MYO1H: variants seen among roughly 807,000 people sequenced by gnomAD.
MYO1H encodes the protein unconventional myosin-Ih.
In MYO1H, 118 loss-of-function variants were observed where a neutral mutation model predicts 149.3. That is an observed-to-expected ratio of 0.79 (90% CI 0.68 to 0.92). MYO1H has a LOEUF of 0.92. MYO1H is among the 40% of genes least tolerant of loss of function. The pLI is 0.00. For synonymous variants in MYO1H, 447 were observed against 465.2 expected (o/e 0.96, Z 0.50); for missense variants, 1,212 against 1,280.7 (o/e 0.95, Z 0.82).
chr12:109,362,011 C>T (rs1305387786), intron 1 of MYO1H, among the ~76,000 whole-genome samples: 4 of 151,720 alleles, frequency 2.6e-5, no homozygotes. Context: ...GTGAATCACG[C>T]AGCCATGGGA....
intron 10 of MYO1H, among the ~76,000 whole-genome samples, chr12:109,408,351 A>AT (rs397949625): frequency 1.3e-5 from 2 of 151,486 alleles, no homozygotes; most frequent in Admixed American, 6.6e-5. Context: ...TTAAAAAAAA[A>AT]TTTTGTAGAG....
upstream of MYO1H, among the ~76,000 whole-genome samples, chr12:109,344,862 A>G (rs1468075450): frequency 6.6e-6 from 1 of 152,218 alleles, no homozygotes. Flanking sequence ...GGGAGCCAAG[A>G]TGACTCAATG....
chr12:109,318,986 T>TTTTTTTTTTTTTTTTTTTTTTTTTTC, the MYO1H span, among the ~76,000 whole-genome samples: 1 of 146,642 alleles, frequency 6.8e-6, no homozygotes, highest in Non-Finnish European at 1.5e-5. Context: ...TTTTTTTTTT[T>TTTTTTTTTTTTTTTTTTTTTTTTTTC]TTTTTTTTGC....
chr12:109,443,443 C>G (rs1872329987), intron 27 of MYO1H, 71 bp from the exon 28 acceptor site: 2 of 1,554,370 alleles, frequency 1.3e-6, no homozygotes, highest in Non-Finnish European at 8.8e-7. Flanking sequence ...CATCACTTTA[C>G]CGGTGTCTGA....
At chr12:109,327,752 A>AAAAG in the MYO1H span, among the ~76,000 whole-genome samples, 1 of 150,978 alleles carries the variant, frequency 6.6e-6, no homozygotes, top group Non-Finnish European at 1.5e-5. Context: ...AAAAAAAAAA[A>AAAAG]AAAAAGAAAG....
chr12:109,361,710 G>A (rs1435694587), intron 1 of MYO1H, among the ~76,000 whole-genome samples: 5 of 151,072 alleles, frequency 3.3e-5, no homozygotes, highest in Non-Finnish European at 4.4e-5. Flanking sequence ...CTTGGAGGCT[G>A]AGGCAGGAGG....
At chr12:109,427,899 A>ATATATATATATATATATAT (rs1566038875) in intron 19 of MYO1H, among the ~76,000 whole-genome samples, 4 of 51,420 alleles carry the variant, frequency 7.8e-5, no homozygotes, top group African/African-American at 3.0e-4. Context: ...AAAAAAAAAA[A>ATATATATATATATATATAT]AAAAAAAAAA....
the MYO1H span, among the ~76,000 whole-genome samples, chr12:109,319,834 T>C: frequency 3.9e-5 from 6 of 152,268 alleles, no homozygotes; most frequent in South Asian, 1.2e-3. Flanking sequence ...CAGATAATGA[T>C]AAATGTTCCT....
Position 109,444,539 on chromosome 12 carries a change from TTCA to T in MYO1H, c.2993+13_2993+15del, listed in dbSNP as rs1355922194. 7 of 1,601,712 alleles carry T rather than the reference TTCA, an allele frequency of 4.4e-6. No individual in the cohort carries two copies. Among genetic ancestry groups the T allele is most frequent in the Admixed American group, 3.3e-5 (2 of 59,932 alleles). ...ATGTTGTTCAAGGAAGGTAGGTGGC[TTCA>T]TCTTCAGCTCAGGAAGTAATTCAAT... On this transcript the variant is annotated intron_variant, in intron 30 of 31. Coordinates refer to ENST00000310903, the Ensembl canonical transcript of MYO1H.
intron 1 of MYO1H, among the ~76,000 whole-genome samples, chr12:109,384,697 A>G (rs1869268061): frequency 6.6e-6 from 1 of 152,220 alleles, no homozygotes; most frequent in Non-Finnish European, 1.5e-5. Flanking sequence ...AATCATTGTC[A>G]TGTTCCTTAA....
the MYO1H span, among the ~76,000 whole-genome samples, chr12:109,311,145 G>T: frequency 3.3e-5 from 5 of 152,186 alleles, no homozygotes; most frequent in African/African-American, 1.2e-4. Context: ...GGTTTGGAAA[G>T]AAATTGTCTC....
At chr12:109,362,454 C>T (rs541420067) in intron 1 of MYO1H, among the ~76,000 whole-genome samples, 1 of 152,136 alleles carries the variant, frequency 6.6e-6, no homozygotes, top group South Asian at 2.1e-4. Context: ...GACTGAGAAA[C>T]CAATTACAAA....
At chr12:109,351,281 C>G (rs889937558) in intron 1 of MYO1H, among the ~76,000 whole-genome samples, 6 of 152,120 alleles carry the variant, frequency 3.9e-5, no homozygotes, top group African/African-American at 1.2e-4. Context: ...ATATTATTAC[C>G]GTAAAAACTC....
At position 109,374,223 on chromosome 12, in the gene MYO1H, T is replaced by G. The variant is rs527276275; in HGVS notation, c.13-14460T>G. 2.6e-5 allele frequency among the ~76,000 whole-genome samples: 4 copies of G among 152,354 alleles called. No individual in the cohort carries two copies. The South Asian group carries it at 8.3e-4, about 32-fold the overall frequency. On this transcript the variant is annotated intron_variant, in intron 1 of 31. Coordinates refer to ENST00000310903, the Ensembl canonical transcript of MYO1H. Reference sequence around the variant, plus strand: ...TGTTTTTCCATTTCTATAAGTCATCTTTTGTGTCCTTCTGGAGTGTGTTAA... The same window carrying G: ...TGTTTTTCCATTTCTATAAGTCATCGTTTGTGTCCTTCTGGAGTGTGTTAA...
the MYO1H span, among the ~76,000 whole-genome samples, chr12:109,328,380 G>GAT: frequency 2.6e-5 from 4 of 152,098 alleles, no homozygotes; most frequent in Non-Finnish European, 2.9e-5. Context: ...TTTTTTAAGA[G>GAT]ATGGGGGTCT....
At chr12:109,326,486 A>ATTTTATTT in the MYO1H span, among the ~76,000 whole-genome samples, 1 of 137,454 alleles carries the variant, frequency 7.3e-6, no homozygotes, top group Admixed American at 7.3e-5. Flanking sequence ...CCTTTTTTTT[A>ATTTTATTT]TATTTTATTT....
At chr12:109,378,323 A>AT (rs1202408269) in intron 1 of MYO1H, among the ~76,000 whole-genome samples, 9 of 144,428 alleles carry the variant, frequency 6.2e-5, no homozygotes, top group Admixed American at 2.1e-4. Context: ...TTTTTTATTT[A>AT]TTTATTTATT....
At chr12:109,331,040 G>A in the MYO1H span, among the ~76,000 whole-genome samples, 2 of 152,166 alleles carry the variant, frequency 1.3e-5, no homozygotes, top group Non-Finnish European at 2.9e-5. Flanking sequence ...ATGGCGTTAT[G>A]CCACGGATAA....
intron 31 of MYO1H, chr12:109,446,032 G>C (rs1487122932): frequency 1.7e-5 from 17 of 985,116 alleles, no homozygotes; most frequent in Non-Finnish European, 1.8e-5. Context: ...CAGGATGCAA[G>C]AAAATATAAA....
Sources: allele counts gnomAD v4.1 joint callset (sites outside exome capture counted in the v4.1 genomes callset), GRCh38; gene constraint gnomAD v4.1.1; transcripts MANE v1.5; gene names NCBI Gene and HGNC (gene_info 2026-07-23, HGNC 2026-07-21).